Variants in KCNB2 observed in about 807,000 individuals in gnomAD.
The protein encoded by KCNB2 is delayed rectifier potassium channel protein.
A neutral mutation model predicts 61.5 loss-of-function variants in KCNB2; 15 were observed. The observed-to-expected ratio is 0.24, with a 90% CI of 0.16 to 0.38. The LOEUF is 0.38. Among genes scored for constraint, KCNB2 ranks in the 10% least tolerant of loss-of-function variants. KCNB2 has a pLI of 1.00. For missense variants in KCNB2, 828 were observed against 1,125.2 expected (o/e 0.74, Z 3.78); for synonymous variants, 457 against 446.0 (o/e 1.02, Z -0.31).
chr8:72,541,034 T>G (rs569073224), intron 1 of KCNB2, among the ~76,000 whole-genome samples: 1 of 152,014 alleles, frequency 6.6e-6, no homozygotes, highest in South Asian at 2.1e-4. Context: ...AAAAATCAGT[T>G]ATAGTTCAAA....
chr8:72,675,754 A>T (rs1412911140), intron 2 of KCNB2, among the ~76,000 whole-genome samples: 2 of 151,972 alleles, frequency 1.3e-5, no homozygotes, highest in East Asian at 3.9e-4. Context: ...GGATTTCATC[A>T]TGTTGGTCAG....
At chr8:72,897,924 C>A (rs1806019190) in intron 2 of KCNB2, among the ~76,000 whole-genome samples, 1 of 152,130 alleles carries the variant, frequency 6.6e-6, no homozygotes, top group Admixed American at 6.6e-5. Context: ...CTGTCACAGA[C>A]CCTCTTGGAG....
chr8:72,925,592 G>A (rs1231006320), intron 2 of KCNB2, among the ~76,000 whole-genome samples: 1 of 152,034 alleles, frequency 6.6e-6, no homozygotes, highest in Non-Finnish European at 1.5e-5. Flanking sequence ...ACCACAATGA[G>A]ATACCAAGCT....
intron 2 of KCNB2, among the ~76,000 whole-genome samples, chr8:72,727,852 C>A (rs1195420269): frequency 6.6e-6 from 1 of 152,170 alleles, no homozygotes; most frequent in Non-Finnish European, 1.5e-5. Flanking sequence ...GAACTGATTA[C>A]AGATTCTTTA....
At chr8:72,901,556 A>G (rs1459362720) in intron 2 of KCNB2, among the ~76,000 whole-genome samples, 1 of 152,040 alleles carries the variant, frequency 6.6e-6, no homozygotes, top group East Asian at 1.9e-4. Context: ...ATCTATGAAG[A>G]TCCTAATTTC....
chr8:72,917,540 A>C (rs998833266), intron 2 of KCNB2, among the ~76,000 whole-genome samples: 1 of 152,208 alleles, frequency 6.6e-6, no homozygotes, highest in Non-Finnish European at 1.5e-5. Context: ...AATACTCTTA[A>C]TTGGCAATTG....
rs1810264452 is a variant in KCNB2 at position 72,859,706 on chromosome 8, C to CTTTTTTTTTTTTTTTTTTTTTTTT, written c.580-76229_580-76228insTTTTTTTTTTTTTTTTTTTTTTTT. Among the ~76,000 whole-genome samples, 30 of 73,442 alleles carry CTTTTTTTTTTTTTTTTTTTTTTTT rather than the reference C, an allele frequency of 4.1e-4. 13 individuals carry two copies. The highest frequency in any genetic ancestry group is 5.0e-4 in the South Asian group (1 of 2,020). The allele number at this position is 73,442 out of a possible 152,430, so 48.2% of individuals were successfully genotyped here. ...TGTAGCATGGATCAGTACTTCATTT[C>CTTTTTTTTTTTTTTTTTTTTTTTT]GTTTTTTTTTTTTTTTTTTTTTTTT... On this transcript the variant is annotated intron_variant, in intron 2 of 2. Coordinates refer to ENST00000523207, the MANE Select transcript of KCNB2 (RefSeq NM_004770.3).
rs1421581162 is a variant in KCNB2 at position 72,901,820 on chromosome 8, A to G, written c.580-34115A>G. ...CTATTTTGCATTCCCATCAGCAATG[A>G]CCATCAAATGCAGATAATTTTATAT... On this transcript the variant is annotated intron_variant, in intron 2 of 2. Coordinates refer to ENST00000523207, the MANE Select transcript of KCNB2 (RefSeq NM_004770.3). Among the ~76,000 whole-genome samples, 4 of 152,298 alleles carry G rather than the reference A, an allele frequency of 2.6e-5. No homozygotes were observed. The East Asian group carries it at 7.7e-4, about 29-fold the overall frequency.
At chr8:72,600,206 A>G (rs1807272049) in intron 2 of KCNB2, among the ~76,000 whole-genome samples, 1 of 152,306 alleles carries the variant, frequency 6.6e-6, no homozygotes, top group Admixed American at 6.5e-5. Context: ...ATGTCCAACA[A>G]TGATAGACTG....
At chr8:72,783,127 T>C (rs1808790416) in intron 2 of KCNB2, among the ~76,000 whole-genome samples, 1 of 152,194 alleles carries the variant, frequency 6.6e-6, no homozygotes, top group South Asian at 2.1e-4. Context: ...ACAGATACCT[T>C]ATGGGAATCC....
chr8:72,549,205 G>A (rs368579165), intron 1 of KCNB2, among the ~76,000 whole-genome samples: 4 of 152,064 alleles, frequency 2.6e-5, no homozygotes, highest in South Asian at 2.1e-4. Flanking sequence ...CAGGCATTTC[G>A]TCTTCTATAT....
At chr8:72,623,674 A>G (rs1805744932) in intron 2 of KCNB2, among the ~76,000 whole-genome samples, 1 of 152,258 alleles carries the variant, frequency 6.6e-6, no homozygotes, top group Admixed American at 6.5e-5. Context: ...GATTAAAAAG[A>G]TAACTCATTT....
At chr8:72,587,768 A>G (rs1807023292) in intron 2 of KCNB2, among the ~76,000 whole-genome samples, 1 of 151,802 alleles carries the variant, frequency 6.6e-6, no homozygotes, top group Non-Finnish European at 1.5e-5. Flanking sequence ...GGAAATGTAA[A>G]CTCCATAACA....
intron 2 of KCNB2, among the ~76,000 whole-genome samples, chr8:72,596,503 T>C (rs1807192422): frequency 6.6e-6 from 1 of 152,216 alleles, no homozygotes. Flanking sequence ...ATATTATGCA[T>C]ATAATGTTTG....
chr8:72,574,119 G>T (rs894207626), intron 2 of KCNB2, among the ~76,000 whole-genome samples: 1 of 152,168 alleles, frequency 6.6e-6, no homozygotes, highest in Non-Finnish European at 1.5e-5. Context: ...AAGAAATAAG[G>T]CATAAGAAAA....
intron 1 of KCNB2, among the ~76,000 whole-genome samples, chr8:72,563,499 G>A (rs533351555): frequency 1.3e-5 from 2 of 152,242 alleles, no homozygotes; most frequent in African/African-American, 4.8e-5. Flanking sequence ...AAAACTTAAT[G>A]AAGTATGTAC....
chr8:72,569,410 C>T (rs1211362240), intron 2 of KCNB2, among the ~76,000 whole-genome samples: 1 of 152,116 alleles, frequency 6.6e-6, no homozygotes, highest in Non-Finnish European at 1.5e-5. Flanking sequence ...TAATCTATAG[C>T]ACATAAATAA....
intron 1 of KCNB2, among the ~76,000 whole-genome samples, chr8:72,566,730 G>T (rs935026610): frequency 1.3e-5 from 2 of 150,646 alleles, no homozygotes; most frequent in Non-Finnish European, 3.0e-5. Flanking sequence ...AAAAAAGAAA[G>T]AAAGGAAAAG....
intron 2 of KCNB2, among the ~76,000 whole-genome samples, chr8:72,603,966 C>T (rs1014133677): frequency 6.6e-6 from 1 of 152,072 alleles, no homozygotes; most frequent in South Asian, 2.1e-4. Context: ...TGATTTTCCC[C>T]CCGAGCTTTC....
Sources: allele counts gnomAD v4.1 joint callset (sites outside exome capture counted in the v4.1 genomes callset), GRCh38; gene constraint gnomAD v4.1.1; transcripts MANE v1.5; gene names NCBI Gene and HGNC (gene_info 2026-07-23, HGNC 2026-07-21).